The following FGGY variants were observed in gnomAD, a reference collection of about 807,000 sequenced individuals.
FGGY encodes the protein FGGY carbohydrate kinase domain-containing protein.
FGGY carries 72 observed loss-of-function variants against 71.3 expected under a neutral mutation model. That is an observed-to-expected ratio of 1.01 (90% CI 0.84 to 1.23). The LOEUF is 1.23. Ranked by LOEUF, FGGY falls within the 50% of genes most tolerant of loss-of-function variation. The pLI, the probability that FGGY is intolerant of heterozygous loss-of-function variation, is 0.00. For synonymous variants in FGGY, 251 were observed against 250.3 expected, an observed-to-expected ratio of 1.00 and a Z score of -0.02; for missense variants, 668 against 682.3, an observed-to-expected ratio of 0.98 and a Z score of 0.23.
At chr1:59,332,892 A>G (rs2048771637) in intron 2 of FGGY, among the ~76,000 whole-genome samples, 1 of 152,200 alleles carries the variant, frequency 6.6e-6, no homozygotes, top group Non-Finnish European at 1.5e-5. Context: ...TTTGTACATA[A>G]AAACATTCCA....
chr1:59,672,809 C>G (rs75949774), intron 13 of FGGY, among the ~76,000 whole-genome samples: 3,009 of 152,262 alleles, frequency 0.02, 96 homozygotes, highest in African/African-American at 0.069. Context: ...ACAAGTTTAC[C>G]TCTGTAAAGT....
At chr1:59,393,180 G>A (rs1237843626) in intron 5 of FGGY, 1 of 152,142 alleles carries the variant, frequency 6.6e-6, no homozygotes, top group African/African-American at 2.4e-5. Context: ...GGAGTCTTAT[G>A]TTCTGTATAA....
At position 59,461,264 on chromosome 1, in the gene FGGY, C is replaced by T. The variant is rs187277197; in HGVS notation, c.670+4188C>T. Among the ~76,000 whole-genome samples, 181 of 152,262 alleles carry T rather than the reference C, an allele frequency of 1.2e-3. 1 individual carries two copies. Among genetic ancestry groups the T allele is most frequent in the African/African-American group, 4.2e-3 (174 of 41,560 alleles). On this transcript the variant is annotated intron_variant, in intron 6 of 15. Coordinates refer to ENST00000303721, the MANE Select transcript of FGGY (RefSeq NM_018291.5). ...GCTGAAAACCATGGCACAAGAACTA[C>T]GTGACACATGCGCAAGCTTCAATAG...
chr1:59,402,527 GATTA>G (rs1406256486), intron 5 of FGGY, among the ~76,000 whole-genome samples: 4 of 152,170 alleles, frequency 2.6e-5, no homozygotes, highest in African/African-American at 9.7e-5. Context: ...TTGTTGAATG[GATTA>G]ATTAATATAA....
chr1:59,476,065 G>C (rs1403316269), intron 6 of FGGY, among the ~76,000 whole-genome samples: 1 of 152,150 alleles, frequency 6.6e-6, no homozygotes, highest in Admixed American at 6.5e-5. Context: ...GACATTTCCA[G>C]TGTATATAGC....
intron 10 of FGGY, among the ~76,000 whole-genome samples, chr1:59,636,825 T>C (rs1164312302): frequency 6.6e-6 from 1 of 152,210 alleles, no homozygotes; most frequent in Non-Finnish European, 1.5e-5. Flanking sequence ...GCCTTCCTTC[T>C]AAAACACTTT....
chr1:59,369,506 G>C (rs551794370), intron 4 of FGGY, among the ~76,000 whole-genome samples: 2 of 152,204 alleles, frequency 1.3e-5, no homozygotes, highest in African/African-American at 4.8e-5. Flanking sequence ...CAAAAAGACA[G>C]CAGTAACCTC....
chr1:59,677,427 C>G (rs960846813), intron 14 of FGGY, among the ~76,000 whole-genome samples: 6 of 152,184 alleles, frequency 3.9e-5, no homozygotes, highest in Non-Finnish European at 7.3e-5. Flanking sequence ...CACTTCTTAT[C>G]TAGATAGGCC....
intron 9 of FGGY, among the ~76,000 whole-genome samples, chr1:59,620,022 C>T (rs2096792802): frequency 6.6e-6 from 1 of 151,886 alleles, no homozygotes; most frequent in South Asian, 2.1e-4. Context: ...AGAGAGAGGC[C>T]AAGGCTTGAG....
intron 8 of FGGY, among the ~76,000 whole-genome samples, chr1:59,584,090 G>A (rs1024052223): frequency 6.7e-6 from 1 of 149,714 alleles, no homozygotes; most frequent in Non-Finnish European, 1.5e-5. Context: ...GAGGTACAAG[G>A]AGGAATTGGT....
intron 2 of FGGY, among the ~76,000 whole-genome samples, chr1:59,336,955 C>T (rs2049668612): frequency 6.7e-6 from 1 of 148,214 alleles, no homozygotes; most frequent in Non-Finnish European, 1.5e-5. Context: ...TGTCAGGTTT[C>T]TCCAGAGGGA....
chr1:59,454,710 G>T (rs1304330008), intron 5 of FGGY, among the ~76,000 whole-genome samples: 4 of 152,110 alleles, frequency 2.6e-5, no homozygotes, highest in Non-Finnish European at 4.4e-5. Context: ...ACTTCCTTCA[G>T]AGTATTCATG....
At chr1:59,489,092 A>T (rs1275740434) in intron 6 of FGGY, among the ~76,000 whole-genome samples, 2 of 152,056 alleles carry the variant, frequency 1.3e-5, no homozygotes, top group Admixed American at 6.6e-5. Context: ...TTAAAAAATA[A>T]TTTTTTATTT....
chr1:59,458,016 T>C (rs1214559475), intron 6 of FGGY, among the ~76,000 whole-genome samples: 1 of 152,176 alleles, frequency 6.6e-6, no homozygotes, highest in Non-Finnish European at 1.5e-5. Context: ...TCAGAGAGAT[T>C]AGTAACCTTG....
intron 14 of FGGY, among the ~76,000 whole-genome samples, chr1:59,684,828 C>T (rs1253715144): frequency 6.6e-6 from 1 of 152,202 alleles, no homozygotes; most frequent in Non-Finnish European, 1.5e-5. Flanking sequence ...TCTCTGATCT[C>T]AGTTCCATAT....
chr1:59,356,460 TTAGGG>T (rs1218111768), intron 4 of FGGY, among the ~76,000 whole-genome samples: 1 of 152,176 alleles, frequency 6.6e-6, no homozygotes, highest in Non-Finnish European at 1.5e-5. Context: ...CTTCCTTGAC[TTAGGG>T]TCCTACACTC....
At chr1:59,470,599 C>T (rs1388418571) in intron 6 of FGGY, among the ~76,000 whole-genome samples, 3 of 152,142 alleles carry the variant, frequency 2.0e-5, no homozygotes, top group Admixed American at 2.0e-4. Context: ...GCATTCACAC[C>T]AATACTACCT....
At chr1:59,458,644 T>G (rs2091928631) in intron 6 of FGGY, among the ~76,000 whole-genome samples, 1 of 152,222 alleles carries the variant, frequency 6.6e-6, no homozygotes, top group Admixed American at 6.5e-5. Context: ...GCAGAAAATT[T>G]CCAGAGTAAC....
chr1:59,693,714 C>G (rs574822630), intron 14 of FGGY, among the ~76,000 whole-genome samples: 2 of 152,106 alleles, frequency 1.3e-5, no homozygotes, highest in South Asian at 4.2e-4. Flanking sequence ...GTGCACAGAA[C>G]TGGGAAAGCT....
Sources: gnomAD v4.1 joint callset for allele counts (sites outside exome capture counted in the v4.1 genomes callset) on GRCh38, gnomAD v4.1.1 for gene constraint, MANE v1.5 for transcripts, NCBI Gene and HGNC (gene_info 2026-07-23, HGNC 2026-07-21) for gene names.